LRRC8A: variants seen among roughly 807,000 people sequenced by gnomAD.
The protein encoded by LRRC8A is leucine rich repeat containing 8 VRAC subunit A.
A neutral mutation model predicts 52.5 loss-of-function variants in LRRC8A; 24 were observed. The ratio of observed to expected loss-of-function variants is 0.46; its 90% CI spans 0.33 to 0.64. The LOEUF (loss-of-function observed/expected upper bound fraction) is 0.64. Ranked by LOEUF, LRRC8A falls within the 30% of genes least tolerant of loss-of-function variation. The probability of loss-of-function intolerance (pLI) is 0.02; values close to 1 mark genes in which losing one functional copy is unlikely to be tolerated. For synonymous variants in LRRC8A, 492 were observed against 494.2 expected (o/e 1.00, Z 0.06); for missense variants, 677 against 1,094.7 (o/e 0.62, Z 5.38).
At position 128,915,485 on chromosome 9, in the gene LRRC8A, C is replaced by T. The variant is rs548153525; in HGVS notation, c.2158-611C>T. Among the ~76,000 whole-genome samples, 15 of 152,226 alleles carry T rather than the reference C, an allele frequency of 9.9e-5. No individual in the cohort carries two copies. The East Asian group carries it at 1.9e-3, about 20-fold the overall frequency. On this transcript the variant is annotated intron_variant, in intron 3 of 3. Transcript: ENST00000372600. ...GACTACAGGCGCCCGGCACCATGCC[C>T]GGCTAATTTTTTTGTATTTTTAGTA...
chr9:128,896,406 G>A (rs1839826093), intron 2 of LRRC8A, among the ~76,000 whole-genome samples: 1 of 152,214 alleles, frequency 6.6e-6, no homozygotes, highest in Admixed American at 6.5e-5. Flanking sequence ...TCACTTATGT[G>A]TGGAGCAGCT....
chr9:128,891,528 T>C (rs1016125439), intron 2 of LRRC8A, among the ~76,000 whole-genome samples: 2 of 152,322 alleles, frequency 1.3e-5, no homozygotes, highest in African/African-American at 2.4e-5. Flanking sequence ...ACCATTGTGC[T>C]CCAGCCTCGG....
intron 2 of LRRC8A, among the ~76,000 whole-genome samples, chr9:128,898,220 TTTTG>T (rs202228771): frequency 6.6e-6 from 1 of 152,120 alleles, no homozygotes; most frequent in African/African-American, 2.4e-5. Context: ...TGAGTATGTT[TTTTG>T]TTTGTTTGTT....
At position 128,892,941 on chromosome 9, in the gene LRRC8A, C is replaced by G. The variant is rs547411442; in HGVS notation, c.-9+6820C>G. On this transcript the variant is annotated intron_variant, in intron 2 of 3. Coordinates refer to ENST00000372600, the MANE Select transcript of LRRC8A (RefSeq NM_019594.4). This position sits in a 1 kb window ranked among gnomAD's most constrained non-coding sequence, Gnocchi z 5.2. ...AAAGGCTCTCTGTGCCCTGTTTACCCGCAGCCCGACTGCCTGCCGCCCAGG... is the reference window on the plus strand; with the variant it reads ...AAAGGCTCTCTGTGCCCTGTTTACCGGCAGCCCGACTGCCTGCCGCCCAGG... Among the ~76,000 whole-genome samples, 15 of 152,304 alleles carry G rather than the reference C, an allele frequency of 9.8e-5. No individual in the cohort carries two copies. The South Asian group carries it at 2.9e-3, about 29-fold the overall frequency.
Position 128,900,435 on chromosome 9 carries a change from G to A in LRRC8A, c.-8-6722G>A, listed in dbSNP as rs182116298. Reference sequence around the variant, plus strand: ...CTTTAAAAGCATTTGGGGGCTGGACGCAGTGGCTCATGCCTGTAATCCCAG... The same window carrying A: ...CTTTAAAAGCATTTGGGGGCTGGACACAGTGGCTCATGCCTGTAATCCCAG... On this transcript the variant is annotated intron_variant, in intron 2 of 3. Coordinates refer to ENST00000372600, the MANE Select transcript of LRRC8A (RefSeq NM_019594.4). 5.8e-3 allele frequency among the ~76,000 whole-genome samples: 887 copies of A among 152,338 alleles called. 4 individuals are homozygous for A. The highest frequency in any genetic ancestry group is 9.0e-3 in the Non-Finnish European group (610 of 68,030).
chr9:128,897,833 C>T (rs965264955), intron 2 of LRRC8A, among the ~76,000 whole-genome samples: 4 of 151,858 alleles, frequency 2.6e-5, no homozygotes, highest in South Asian at 2.1e-4. Context: ...CGTACACCTC[C>T]GTGCCTGGCA....
At chr9:128,896,850 T>C (rs1436805319) in intron 2 of LRRC8A, among the ~76,000 whole-genome samples, 1 of 152,036 alleles carries the variant, frequency 6.6e-6, no homozygotes, top group East Asian at 1.9e-4. Flanking sequence ...GCCTCCTGAG[T>C]AGCTGGGACT....
At chr9:128,897,601 A>G (rs1395992877) in intron 2 of LRRC8A, among the ~76,000 whole-genome samples, 1 of 151,458 alleles carries the variant, frequency 6.6e-6, no homozygotes, top group African/African-American at 2.4e-5. Context: ...CTGGGGTGCA[A>G]TGGCGCAATC....
chr9:128,908,992 A>G lies in LRRC8A; in HGVS notation c.1828A>G (p.Ile610Val). Reference sequence around the variant, plus strand: ...TGACCTGGAGCGCATCCCCCACTCCATCTTCAGCCTCCACAACCTGCAGGA... The same window carrying G: ...TGACCTGGAGCGCATCCCCCACTCCGTCTTCAGCCTCCACAACCTGCAGGA... Reference protein sequence around the residue: ...RCDLERIPHSIFSLHNLQEID... With the variant: ...RCDLERIPHSVFSLHNLQEID... Residue 610 changes from isoleucine to valine, a missense_variant, in exon 3 of 4, where the codon ATC (isoleucine) becomes GTC (valine). Transcript: ENST00000372600. The G allele has an allele frequency of 6.2e-7, 1 of 1,614,120 alleles. No individual in the cohort carries two copies. Among genetic ancestry groups the G allele is most frequent in the Non-Finnish European group, 8.5e-7 (1 of 1,180,012 alleles).
intron 1 of LRRC8A, among the ~76,000 whole-genome samples, chr9:128,885,574 C>T (rs1433038109): frequency 1.3e-5 from 2 of 152,180 alleles, no homozygotes; most frequent in Non-Finnish European, 2.9e-5. Flanking sequence ...CTTGGCACCT[C>T]CTCAGTAGAC....
At chr9:128,883,159 A>T (rs1839188118) in intron 1 of LRRC8A, among the ~76,000 whole-genome samples, 1 of 152,118 alleles carries the variant, frequency 6.6e-6, no homozygotes. Context: ...TTCCTGGGTG[A>T]GCCACACTTC....
At chr9:128,883,972 C>T (rs1378066297) in intron 1 of LRRC8A, among the ~76,000 whole-genome samples, 4 of 150,842 alleles carry the variant, frequency 2.7e-5, no homozygotes, top group African/African-American at 7.3e-5. Flanking sequence ...AAAATTCCAT[C>T]TCAAAAAAAC....
chr9:128,914,887 G>A (rs1225265818), intron 3 of LRRC8A, among the ~76,000 whole-genome samples: 4 of 152,308 alleles, frequency 2.6e-5, no homozygotes, highest in Middle Eastern at 3.4e-3. Context: ...GAGACAGCAC[G>A]AACCCACTGC....
chr9:128,897,901 C>T (rs546573985), intron 2 of LRRC8A, among the ~76,000 whole-genome samples: 1 of 148,066 alleles, frequency 6.8e-6, no homozygotes, highest in East Asian at 2.0e-4. Flanking sequence ...AAATAGAGGG[C>T]AGGGGCAGTG....
intron 2 of LRRC8A, among the ~76,000 whole-genome samples, chr9:128,889,412 G>T (rs1056147583): frequency 6.6e-6 from 1 of 151,964 alleles, no homozygotes; most frequent in Non-Finnish European, 1.5e-5. Context: ...GTCGTCTACC[G>T]CAGAACTCAT....
At position 128,892,389 on chromosome 9, in the gene LRRC8A, C is replaced by G. The variant is rs748558484; in HGVS notation, c.-9+6268C>G. On this transcript the variant is annotated intron_variant, in intron 2 of 3. Coordinates refer to ENST00000372600, the MANE Select transcript of LRRC8A (RefSeq NM_019594.4). The surrounding 1 kb of genome is among the most constrained non-coding windows in gnomAD (Gnocchi z 5.2). ...ACCTGTTGCCTTTCACCCTAGAAGGCGGGCCACGCCCTTGCAAGTTGGTGT... is the reference window on the plus strand; with the variant it reads ...ACCTGTTGCCTTTCACCCTAGAAGGGGGGCCACGCCCTTGCAAGTTGGTGT... Among the ~76,000 whole-genome samples the G allele has an allele frequency of 2.6e-5, 4 of 152,144 alleles. No individual in the cohort carries two copies. Among genetic ancestry groups the G allele is most frequent in the African/African-American group, 9.7e-5 (4 of 41,420 alleles).
In LRRC8A at chr9:128,917,063, T is replaced by TA. The variant is rs35239656; in HGVS notation, c.*701dup. On this transcript the variant is annotated 3_prime_UTR_variant, in exon 4 of 4. Coordinates refer to ENST00000372600, the MANE Select transcript of LRRC8A (RefSeq NM_019594.4). ...TTTTTTAATCAAAAAACAATTTTTT[T>TA]AAAAAAAAAGCTTTGAAAATGGATG... 7.0e-4 allele frequency: 99 copies of TA among 140,612 alleles called. No homozygotes were observed. The highest frequency in any genetic ancestry group is 1.0e-3 in the African/African-American group (38 of 37,728). The allele number at this position is 140,612 out of a possible 1,614,324, so 8.7% of individuals were successfully genotyped here. A position where few individuals can be genotyped will look rare whatever the true frequency, so the allele number is the denominator to read the frequency against.
Position 128,889,467 on chromosome 9 carries a change from C to G in LRRC8A, c.-9+3346C>G, listed in dbSNP as rs113398062. 7.9e-3 allele frequency among the ~76,000 whole-genome samples: 1,197 copies of G among 150,942 alleles called. 14 individuals are homozygous for G. The highest frequency in any genetic ancestry group is 0.028 in the African/African-American group (1,146 of 40,896). ...GGCTGAGCTCCCCACAGGACTGGGA[C>G]TGGACAGGTTTTTTTTTTTTTGTTT... On this transcript the variant is annotated intron_variant, in intron 2 of 3. Coordinates refer to ENST00000372600, the MANE Select transcript of LRRC8A (RefSeq NM_019594.4).
intron 1 of LRRC8A, chr9:128,882,595 C>G (rs1839117919): frequency 2.5e-6 from 1 of 398,142 alleles, no homozygotes; most frequent in Non-Finnish European, 4.4e-6. Flanking sequence ...CACACACACT[C>G]TCCCGTTCCT....
Sources: gnomAD v4.1 joint callset for allele counts (sites outside exome capture counted in the v4.1 genomes callset) on GRCh38, gnomAD v4.1.1 for gene constraint, Gnocchi (gnomAD v3.1) non-coding constraint, MANE v1.5 for transcripts, NCBI Gene and HGNC (gene_info 2026-07-23, HGNC 2026-07-21) for gene names.